Variants in HPS4 observed in about 807,000 individuals in gnomAD.
HPS4 encodes BLOC-3 complex member HPS4.
HPS4 carries 44 observed loss-of-function variants against 70.3 expected under a neutral mutation model. That is an observed-to-expected ratio of 0.63 (90% CI 0.49 to 0.80). The LOEUF is 0.80. HPS4 is among the 30% of genes least tolerant of loss of function. The pLI is 0.00. For missense variants in HPS4, 873 were observed against 884.4 expected, an observed-to-expected ratio of 0.99 and a Z score of 0.16; for synonymous variants, 377 against 355.9, an observed-to-expected ratio of 1.06 and a Z score of -0.67.
At chr22:26,450,250 C>CA (rs1179869383), downstream of HPS4, among the ~76,000 whole-genome samples, 1 of 152,300 alleles carries the variant, frequency 6.6e-6, no homozygotes, top group Non-Finnish European at 1.5e-5. Flanking sequence ...ACTGCACACA[C>CA]AGGGAAGTGG....
At chr22:26,470,291 G>C (rs954731819) in intron 7 of HPS4, among the ~76,000 whole-genome samples, 2 of 152,190 alleles carry the variant, frequency 1.3e-5, no homozygotes, top group Non-Finnish European at 2.9e-5. Context: ...GCTGGATAAG[G>C]GCCTGTAAGG....
At position 26,464,024 on chromosome 22, in the gene HPS4, T is replaced by C. The variant is rs772069598; in HGVS notation, c.1606A>G (p.Met536Val). The change falls in exon 11 of 14, where the codon ATG becomes GTG. Residue 536 changes from methionine (M) to valine (V), a missense_variant. Coordinates refer to ENST00000398145, the MANE Select transcript of HPS4 (RefSeq NM_022081.6). ...TAGAGATTCATCCTCACGAGCCCCA[T>C]GCAGGACTCTGCTGGTGTCAGCCTG... is the stretch of plus-strand genomic sequence containing the variant. ...SSRLTPAESCMGLVRMNLYTH... is the reference protein window; with the variant it reads ...SSRLTPAESCVGLVRMNLYTH... 2.5e-6 allele frequency: 4 copies of C among 1,614,166 alleles called. No individual in the cohort carries two copies. In the African/African-American group the frequency reaches 4.0e-5, roughly 16 times the overall value.
chr22:26,454,279 C>T (rs754226093), intron 13 of HPS4, among the ~76,000 whole-genome samples: 2 of 152,182 alleles, frequency 1.3e-5, no homozygotes, highest in Admixed American at 6.5e-5. Flanking sequence ...GGGAGGGCTC[C>T]GAGGCCAGAT....
chr22:26,445,908 A>AG (rs374074621), downstream of HPS4, among the ~76,000 whole-genome samples: 4 of 152,048 alleles, frequency 2.6e-5, no homozygotes, highest in East Asian at 1.9e-4. Context: ...AGAGGGAGAC[A>AG]GGGGGGTCTC....
downstream of HPS4, among the ~76,000 whole-genome samples, chr22:26,445,921 A>G (rs1024459524): frequency 6.6e-6 from 1 of 152,174 alleles, no homozygotes; most frequent in Non-Finnish European, 1.5e-5. Flanking sequence ...GGGGTCTCCC[A>G]GCCAGGAGCC....
At chr22:26,465,340 TGGG>T (rs1480346592) in intron 10 of HPS4, 112 bp downstream of exon 10, 1 of 761,350 alleles carries the variant, frequency 1.3e-6, no homozygotes, top group African/African-American at 1.7e-5. Flanking sequence ...AGACAGGGCA[TGGG>T]GAAGATGGAA....
intron 11 of HPS4, among the ~76,000 whole-genome samples, chr22:26,463,158 C>T (rs144334329): frequency 5.6e-4 from 85 of 152,310 alleles, no homozygotes; most frequent in African/African-American, 2.0e-3. Flanking sequence ...ACTATAGCAA[C>T]GAATCTCCAG....
chr22:26,453,703 C>CT, intron 13 of HPS4: 7 of 432,310 alleles, frequency 1.6e-5, no homozygotes, highest in South Asian at 1.3e-4. Flanking sequence ...GGAGTGCTGG[C>CT]TTTTTTGACA....
intron 9 of HPS4, 50 bp downstream of exon 9, chr22:26,466,176 G>A: frequency 6.2e-7 from 1 of 1,611,806 alleles, no homozygotes; most frequent in Non-Finnish European, 8.5e-7. Flanking sequence ...GGGGTAGGTA[G>A]CATAAAAGAC....
downstream of HPS4, among the ~76,000 whole-genome samples, chr22:26,446,518 C>T (rs906139449): frequency 1.1e-4 from 17 of 152,052 alleles, no homozygotes; most frequent in African/African-American, 3.4e-4. Flanking sequence ...TTCATTGTTC[C>T]GAGAGTGGGG....
At chr22:26,471,027 A>C (rs2089719339) in intron 6 of HPS4, 1 of 919,936 alleles carries the variant, frequency 1.1e-6, no homozygotes, top group Non-Finnish European at 1.7e-6. Flanking sequence ...CCAAATTCTT[A>C]GAACAAGGAG....
chr22:26,478,671 T>G lies in HPS4; in HGVS notation c.132+594A>C, dbSNP rs114455923. On this transcript the variant is annotated intron_variant, in intron 3 of 13. Transcript: ENST00000398145. Reference sequence around the variant, plus strand: ...CTTGCCTCTCTGTTTTTGTATATGTTTGAATACAAACTTATTTATTTATTT... The same window carrying G: ...CTTGCCTCTCTGTTTTTGTATATGTGTGAATACAAACTTATTTATTTATTT... 1.0e-3 allele frequency among the ~76,000 whole-genome samples: 159 copies of G among 152,258 alleles called. 1 individual carries two copies. Among genetic ancestry groups the G allele is most frequent in the African/African-American group, 3.7e-3 (154 of 41,542 alleles).
At chr22:26,461,577 C>T (rs922799355) in intron 11 of HPS4, among the ~76,000 whole-genome samples, 1 of 152,184 alleles carries the variant, frequency 6.6e-6, no homozygotes, top group South Asian at 2.1e-4. Context: ...GACACAAGGG[C>T]AGCTTGGCAG....
chr22:26,473,416 C>T (rs917299299), intron 4 of HPS4, among the ~76,000 whole-genome samples: 3 of 152,136 alleles, frequency 2.0e-5, no homozygotes, highest in African/African-American at 4.8e-5. Flanking sequence ...AAGAACTGAC[C>T]GCAATCTTCC....
At position 26,483,675 on chromosome 22, in the gene HPS4, G is replaced by T; in HGVS notation, c.-480C>A. On this transcript the variant is annotated splice_region_variant and 5_prime_UTR_variant, in exon 1 of 14. Transcript: ENST00000398145. The stretch of plus-strand genomic sequence containing the variant: ...GCGCTCCGAGCGCCGCCCACCCACC[G>T]GAGTAGCCAGGCATCCCAGTGCTCG... 2.6e-6 allele frequency: 1 copy of T among 381,754 alleles called. No individual in the cohort carries two copies. The highest frequency in any genetic ancestry group is 4.6e-6 in the Non-Finnish European group (1 of 217,520). The allele number at this position is 381,754 out of a possible 1,614,324, so 23.6% of individuals were successfully genotyped here. A position where few individuals can be genotyped will look rare whatever the true frequency, so the allele number is the denominator to read the frequency against.
At position 26,472,547 on chromosome 22, in the gene HPS4, C is replaced by T. The variant is rs184615436; in HGVS notation, c.385-129G>A. On this transcript the variant is annotated intron_variant, in intron 5 of 13. Coordinates refer to ENST00000398145, the MANE Select transcript of HPS4 (RefSeq NM_022081.6). ...ACCGGAAGGGAGGACCTGTTTTAAA[C>T]CTATCCCATCACAGATCCACGGCGC... 3.4e-5 allele frequency: 27 copies of T among 788,288 alleles called. No homozygotes were observed. The Admixed American group carries it at 4.5e-4, about 13-fold the overall frequency. The allele number at this position is 788,288 out of a possible 1,614,324, so 48.8% of individuals were successfully genotyped here.
At chr22:26,453,885 CTA>C (rs1466792188) in intron 13 of HPS4, 1 of 229,102 alleles carries the variant, frequency 4.4e-6, no homozygotes, top group Non-Finnish European at 8.8e-6. Context: ...AGAAAGGAGT[CTA>C]GTCTGCTCTC....
intron 6 of HPS4, chr22:26,471,291 C>G (rs2089761823): frequency 2.2e-6 from 1 of 449,892 alleles, no homozygotes; most frequent in East Asian, 6.9e-5. Flanking sequence ...TTCCATGACT[C>G]TATTCCATCA....
intron 2 of HPS4, among the ~76,000 whole-genome samples, chr22:26,480,851 G>A (rs1427821666): frequency 6.6e-6 from 1 of 152,118 alleles, no homozygotes; most frequent in Non-Finnish European, 1.5e-5. Context: ...CTGGGGGATT[G>A]AGGCTACAGT....
Sources: gnomAD v4.1 joint callset for allele counts (sites outside exome capture counted in the v4.1 genomes callset) on GRCh38, gnomAD v4.1.1 for gene constraint, MANE v1.5 for transcripts, NCBI Gene and HGNC (gene_info 2026-07-23, HGNC 2026-07-21) for gene names.